GSK3B: variants seen among roughly 807,000 people sequenced by gnomAD.
GSK3B encodes glycogen synthase kinase 3 beta.
GSK3B carries 15 observed loss-of-function variants against 56.4 expected under a neutral mutation model. The ratio of observed to expected loss-of-function variants is 0.27; its 90% confidence interval spans 0.18 to 0.41. The LOEUF (loss-of-function observed/expected upper bound fraction) is 0.41, where lower values mean the gene tolerates loss of function less well. Among genes scored for constraint, GSK3B ranks in the 10% least tolerant of loss-of-function variants. The probability of loss-of-function intolerance (pLI) is 1.00; values close to 1 mark genes in which losing one functional copy is unlikely to be tolerated. For synonymous variants in GSK3B, 181 were observed against 188.9 expected (o/e 0.96, Z 0.34); for missense variants, 300 against 513.4 (o/e 0.58, Z 4.02).
At chr3:119,959,288 C>T (rs761311660) in intron 2 of GSK3B, among the ~76,000 whole-genome samples, 1 of 152,122 alleles carries the variant, frequency 6.6e-6, no homozygotes, top group Non-Finnish European at 1.5e-5. Context: ...ATCTCTAGAC[C>T]AGACCACCCC....
intron 2 of GSK3B, among the ~76,000 whole-genome samples, chr3:119,992,212 A>G (rs2057572287): frequency 6.6e-6 from 1 of 152,124 alleles, no homozygotes; most frequent in Non-Finnish European, 1.5e-5. Context: ...CAGACATTAA[A>G]ACATACTATA....
intron 1 of GSK3B, among the ~76,000 whole-genome samples, chr3:120,044,335 C>T (rs2058086251): frequency 1.3e-5 from 2 of 152,150 alleles, no homozygotes; most frequent in South Asian, 4.1e-4. Context: ...CAAGAGCTTA[C>T]CCATCAGTCT....
intron 1 of GSK3B, among the ~76,000 whole-genome samples, chr3:120,064,692 G>T (rs1030237562): frequency 6.6e-6 from 1 of 152,112 alleles, no homozygotes; most frequent in Non-Finnish European, 1.5e-5. Flanking sequence ...AAGGGACCCT[G>T]AATACCTAAA....
intron 7 of GSK3B, among the ~76,000 whole-genome samples, chr3:119,901,423 C>T (rs2056624223): frequency 6.6e-6 from 1 of 152,140 alleles, no homozygotes; most frequent in South Asian, 2.1e-4. Context: ...AATGATTTTC[C>T]ATGACTTTCA....
At chr3:119,852,657 A>G (rs757211092) in intron 9 of GSK3B, among the ~76,000 whole-genome samples, 12 of 152,158 alleles carry the variant, frequency 7.9e-5, no homozygotes, top group Non-Finnish European at 1.5e-4. Flanking sequence ...CCAGAACTCT[A>G]TTCTTAATGA....
chr3:119,885,151 G>T (rs2108058251), intron 7 of GSK3B, among the ~76,000 whole-genome samples: 2 of 151,772 alleles, frequency 1.3e-5, no homozygotes, highest in African/African-American at 4.8e-5. Flanking sequence ...GTAGTTTCAG[G>T]ATAAAAAATC....
At chr3:120,088,559 A>G (rs1378722197) in intron 1 of GSK3B, among the ~76,000 whole-genome samples, 1 of 152,212 alleles carries the variant, frequency 6.6e-6, no homozygotes, top group Non-Finnish European at 1.5e-5. Context: ...CTTTAATGAA[A>G]ATGCTCTTCT....
rs938597050 is a variant in GSK3B, at chr3:119,824,154, A to G, written c.*2634T>C. The G allele has an allele frequency of 4.9e-6, 1 of 202,056 alleles. No individual in the cohort carries two copies. Among genetic ancestry groups the G allele is most frequent in the Non-Finnish European group, 1.0e-5 (1 of 98,214 alleles). 12.5% of individuals were successfully genotyped at this position (202,056 alleles called of 1,614,324 possible). A position where few individuals can be genotyped will look rare whatever the true frequency, so the allele number is the denominator to read the frequency against. ...GGTCCACATATTTACATACAAAACA[A>G]TAAAACTTAAATTTAAAAACACAGA... On this transcript the variant is annotated 3_prime_UTR_variant, in exon 11 of 11. Coordinates refer to ENST00000264235, the MANE Select transcript of GSK3B (RefSeq NM_001146156.2).
At chr3:119,989,967 T>C (rs995176319) in intron 2 of GSK3B, among the ~76,000 whole-genome samples, 11 of 152,104 alleles carry the variant, frequency 7.2e-5, no homozygotes, top group Non-Finnish European at 1.0e-4. Flanking sequence ...CCTCAAATTA[T>C]AGGGTCTGGA....
rs538287318 is a variant in GSK3B, at chr3:120,038,193, T to A, written c.89-35954A>T. Among the ~76,000 whole-genome samples, 3 of 152,328 alleles carry A rather than the reference T, an allele frequency of 2.0e-5. No individual in the cohort carries two copies. In the South Asian group the frequency reaches 6.2e-4, roughly 32 times the overall value. ...TCCTCCTAAGCTATTTTTAAAGGCA[T>A]AATATGAAGTCAAATTATTAATTAC... On this transcript the variant is annotated intron_variant, in intron 1 of 10. Transcript: ENST00000264235.
chr3:120,051,980 T>C (rs1006412548), intron 1 of GSK3B, among the ~76,000 whole-genome samples: 2 of 152,164 alleles, frequency 1.3e-5, no homozygotes, highest in African/African-American at 4.8e-5. Flanking sequence ...CCTGTGTGGG[T>C]TTAGCAGCAT....
chr3:120,084,110 A>G (rs2058444256), intron 1 of GSK3B, among the ~76,000 whole-genome samples: 1 of 152,358 alleles, frequency 6.6e-6, no homozygotes, highest in South Asian at 2.1e-4. Context: ...ATGTTACGGT[A>G]TGTGAATTAT....
chr3:119,925,982 C>A (rs1383401807), intron 3 of GSK3B, among the ~76,000 whole-genome samples: 1 of 152,150 alleles, frequency 6.6e-6, no homozygotes, highest in Non-Finnish European at 1.5e-5. Context: ...ACCTTCTTCA[C>A]TTCATAGGAC....
At chr3:120,067,372 A>C (rs1399877667) in intron 1 of GSK3B, among the ~76,000 whole-genome samples, 1 of 152,202 alleles carries the variant, frequency 6.6e-6, no homozygotes, top group African/African-American at 2.4e-5. Flanking sequence ...TTGTAAGTTG[A>C]AAATGCACTT....
chr3:120,006,502 AC>A (rs752324415), intron 1 of GSK3B, among the ~76,000 whole-genome samples: 1 of 152,202 alleles, frequency 6.6e-6, no homozygotes, highest in Admixed American at 6.5e-5. Context: ...AAAATTGACC[AC>A]ATAATTGGAA....
intron 1 of GSK3B, among the ~76,000 whole-genome samples, chr3:120,060,134 C>T (rs939411761): frequency 2.6e-5 from 4 of 151,846 alleles, no homozygotes; most frequent in Admixed American, 1.3e-4. Flanking sequence ...ATCTTAAAAT[C>T]GGAAAGAGGG....
intron 7 of GSK3B, among the ~76,000 whole-genome samples, chr3:119,904,638 A>G (rs2056663974): frequency 6.6e-6 from 1 of 152,160 alleles, no homozygotes; most frequent in South Asian, 2.1e-4. Flanking sequence ...CAACTGGTAG[A>G]AGCTACTGAG....
At chr3:119,997,986 A>C (rs1040146142) in intron 2 of GSK3B, among the ~76,000 whole-genome samples, 1 of 152,236 alleles carries the variant, frequency 6.6e-6, no homozygotes, top group Non-Finnish European at 1.5e-5. Flanking sequence ...AAATTCCTAG[A>C]GAAAACGACA....
chr3:120,018,392 T>G (rs1441461140), intron 1 of GSK3B, among the ~76,000 whole-genome samples: 1 of 152,118 alleles, frequency 6.6e-6, no homozygotes, highest in Non-Finnish European at 1.5e-5. Flanking sequence ...ATACGGTGGT[T>G]CCATAGGGCC....
Sources: gnomAD v4.1 joint callset for allele counts (sites outside exome capture counted in the v4.1 genomes callset) on GRCh38, gnomAD v4.1.1 for gene constraint, MANE v1.5 for transcripts, NCBI Gene and HGNC (gene_info 2026-07-23, HGNC 2026-07-21) for gene names.